The following FAM227A variants were observed in gnomAD, a reference collection of about 807,000 sequenced individuals.
The protein encoded by FAM227A is protein FAM227A.
Under a neutral mutation model 74.7 loss-of-function variants are expected in FAM227A, and 80 were observed. The ratio of observed to expected loss-of-function variants is 1.07; its 90% CI spans 0.89 to 1.29. The LOEUF (loss-of-function observed/expected upper bound fraction) is 1.29. Among genes scored for constraint, FAM227A ranks in the 50% most tolerant of loss-of-function variants. The probability of loss-of-function intolerance (pLI) is 0.00; values close to 1 mark genes in which losing one functional copy is unlikely to be tolerated. For missense variants in FAM227A, 654 were observed against 683.4 expected, an observed-to-expected ratio of 0.96 and a Z score of 0.48; for synonymous variants, 237 against 241.8, an observed-to-expected ratio of 0.98 and a Z score of 0.19.
chr22:38,651,376 T>C (rs2092318975), intron 1 of FAM227A, among the ~76,000 whole-genome samples: 1 of 152,146 alleles, frequency 6.6e-6, no homozygotes, highest in South Asian at 2.1e-4. Flanking sequence ...TTTTTGTTTG[T>C]TTGTTTGTTT....
chr22:38,655,223 T>G (rs1396890463), intron 1 of FAM227A, among the ~76,000 whole-genome samples: 2 of 152,068 alleles, frequency 1.3e-5, no homozygotes, highest in Admixed American at 6.6e-5. Context: ...AGAGTAAAAT[T>G]TTAATTTTAA....
chr22:38,645,347 T>G (rs999565393), intron 3 of FAM227A, among the ~76,000 whole-genome samples: 1 of 152,016 alleles, frequency 6.6e-6, no homozygotes, highest in Non-Finnish European at 1.5e-5. Flanking sequence ...ACCGAGATTG[T>G]GCCACTGCAC....
chr22:38,653,184 T>C (rs1456961922), intron 1 of FAM227A, among the ~76,000 whole-genome samples: 1 of 152,088 alleles, frequency 6.6e-6, no homozygotes, highest in Non-Finnish European at 1.5e-5. Context: ...GAGACCTAGG[T>C]TGTGTGCTCC....
In FAM227A at chr22:38,597,244, A is replaced by C. The variant is rs747775978; in HGVS notation, c.1492T>G (p.Phe498Val). Residue 498 changes from phenylalanine to valine, a missense_variant, in exon 15 of 17, where the codon TTT (phenylalanine) becomes GTT (valine). Physicochemically the swap from Phe to Val is conservative, Grantham distance 50. Transcript: ENST00000535113. ...YQHHWTEWNY[F>V]DKHLKELQDN... ...TGCAGCTCCTTTAGATGCTTGTCAA[A>C]ATAATTCCATTCAGTCCAATGATGC... is the stretch of plus-strand genomic sequence containing the variant. 4 of 1,552,192 alleles carry C rather than the reference A, an allele frequency of 2.6e-6. No individual in the cohort carries two copies. Among genetic ancestry groups the C allele is most frequent in the Admixed American group, 2.0e-5 (1 of 50,984 alleles).
At chr22:38,618,598 T>TA (rs1195510705) in intron 11 of FAM227A, 1 of 152,228 alleles carries the variant, frequency 6.6e-6, no homozygotes, top group Non-Finnish European at 1.5e-5. Flanking sequence ...TTTCTCCTGT[T>TA]AAACTGTCTA....
chr22:38,640,432 CTA>C (rs1232159825), intron 3 of FAM227A, among the ~76,000 whole-genome samples: 1 of 152,102 alleles, frequency 6.6e-6, no homozygotes, highest in African/African-American at 2.4e-5. Context: ...TAAGGGGTCT[CTA>C]TTATCTACCC....
chr22:38,599,393 G>A (rs1373323205), intron 14 of FAM227A, among the ~76,000 whole-genome samples: 1 of 152,122 alleles, frequency 6.6e-6, no homozygotes, highest in Non-Finnish European at 1.5e-5. Context: ...ACATACATGT[G>A]GACAACAAAA....
intron 13 of FAM227A, among the ~76,000 whole-genome samples, chr22:38,603,921 T>C (rs75429522): frequency 0.01 from 1,528 of 152,266 alleles, 30 homozygotes; most frequent in African/African-American, 0.036. Context: ...ATGTTTTATA[T>C]AATCTTAGAA....
chr22:38,640,771 G>A (rs527310226), intron 3 of FAM227A, among the ~76,000 whole-genome samples: 1 of 152,276 alleles, frequency 6.6e-6, no homozygotes, highest in South Asian at 2.1e-4. Flanking sequence ...AGGTGGACAT[G>A]AGTGTTGGTG....
At chr22:38,653,883 G>A (rs557132371) in intron 1 of FAM227A, 2 of 152,204 alleles carry the variant, frequency 1.3e-5, no homozygotes, top group Non-Finnish European at 2.9e-5. Context: ...CCCTCAAGGG[G>A]CTTACATCTA....
intron 16 of FAM227A, among the ~76,000 whole-genome samples, chr22:38,588,887 C>T (rs2090869658): frequency 6.9e-6 from 1 of 144,150 alleles, no homozygotes; most frequent in Non-Finnish European, 1.5e-5. Context: ...AAGATCGCGC[C>T]ACTGCACTCC....
rs1327426523 is a variant in FAM227A, at chr22:38,628,330, G to A, written c.634C>T (p.Leu212Phe). 1.7e-5 allele frequency: 27 copies of A among 1,550,662 alleles called. No homozygotes were observed. Among genetic ancestry groups the A allele is most frequent in the Non-Finnish European group, 2.0e-5 (23 of 1,146,284 alleles). ...ATCCGGTCAAACAGATTATTCTGGA[G>A]CTCCTTGTTTGGCTGCCAGGAATAG... Reference protein sequence around the residue: ...FHERYQPNKELQNNLFDRIAQ... With the variant: ...FHERYQPNKEFQNNLFDRIAQ... The change falls in exon 8 of 17, where the codon CTC (leucine) becomes TTC (phenylalanine). Residue 212 changes from leucine (L) to phenylalanine (F), a missense_variant. Leu to Phe is a conservative substitution (Grantham distance 22). Coordinates refer to ENST00000535113, the MANE Select transcript of FAM227A (RefSeq NM_001013647.2).
At chr22:38,609,537 A>G (rs571630197) in intron 11 of FAM227A, among the ~76,000 whole-genome samples, 98 of 152,192 alleles carry the variant, frequency 6.4e-4, no homozygotes, top group Non-Finnish European at 1.2e-3. Flanking sequence ...GAGGTTGGCA[A>G]TGTTAAACAG....
intron 2 of FAM227A, among the ~76,000 whole-genome samples, chr22:38,649,435 A>G (rs991544991): frequency 6.6e-6 from 1 of 151,438 alleles, no homozygotes; most frequent in Non-Finnish European, 1.5e-5. Flanking sequence ...ACATGGTGAC[A>G]GGCGCCTGTA....
intron 6 of FAM227A, among the ~76,000 whole-genome samples, chr22:38,633,000 CT>C (rs1489698671): frequency 1.3e-5 from 2 of 152,170 alleles, no homozygotes; most frequent in Non-Finnish European, 1.5e-5. Flanking sequence ...TGGTGCGGAG[CT>C]GAGAAGGCAC....
chr22:38,647,705 T>C (rs139976430), intron 2 of FAM227A, among the ~76,000 whole-genome samples: 2 of 152,244 alleles, frequency 1.3e-5, no homozygotes, highest in East Asian at 1.9e-4. Context: ...GATATATCCT[T>C]TGTAAAACCC....
At chr22:38,643,923 G>A (rs1006059126) in intron 3 of FAM227A, among the ~76,000 whole-genome samples, 11 of 151,972 alleles carry the variant, frequency 7.2e-5, no homozygotes, top group Non-Finnish European at 1.5e-4. Context: ...TGAGGCGGGC[G>A]GATCACGAGG....
At chr22:38,610,183 T>A (rs57039466) in intron 11 of FAM227A, among the ~76,000 whole-genome samples, 6,731 of 151,754 alleles carry the variant, frequency 0.044, 241 homozygotes, top group East Asian at 0.11. Flanking sequence ...CTGGCTAATT[T>A]AAAAAAAAAT....
At chr22:38,631,722 G>A (rs1014813617) in intron 6 of FAM227A, among the ~76,000 whole-genome samples, 9 of 152,106 alleles carry the variant, frequency 5.9e-5, no homozygotes, top group African/African-American at 2.2e-4. Flanking sequence ...GCTATGAGGC[G>A]CCTGGTGCCG....
Sources: gnomAD v4.1 joint callset for allele counts (sites outside exome capture counted in the v4.1 genomes callset) on GRCh38, gnomAD v4.1.1 for gene constraint, MANE v1.5 for transcripts, NCBI Gene and HGNC (gene_info 2026-07-23, HGNC 2026-07-21) for gene names.